Variants in STARD13 observed in about 807,000 individuals in gnomAD.
STARD13 encodes the protein stAR-related lipid transfer protein 13.
A neutral mutation model predicts 106.4 loss-of-function variants in STARD13; 62 were observed. The observed-to-expected ratio is 0.58, with a 90% CI of 0.48 to 0.72. The LOEUF (loss-of-function observed/expected upper bound fraction) is 0.72, where lower values mean the gene tolerates loss of function less well. STARD13 is among the 30% of genes least tolerant of loss of function. The pLI, the probability that STARD13 is intolerant of heterozygous loss-of-function variation, is 0.00. For synonymous variants in STARD13, 565 were observed against 553.0 expected (o/e 1.02, Z -0.31); for missense variants, 1,387 against 1,424.0 (o/e 0.97, Z 0.42).
chr13:33,467,340 T>G, the STARD13 span, among the ~76,000 whole-genome samples: 1 of 152,018 alleles, frequency 6.6e-6, no homozygotes, highest in South Asian at 2.1e-4. Context: ...AGAGTAGGGT[T>G]TGCACTCCTA....
At chr13:33,313,793 C>A (rs1362694831) in intron 1 of STARD13, among the ~76,000 whole-genome samples, 1 of 152,196 alleles carries the variant, frequency 6.6e-6, no homozygotes, top group Admixed American at 6.5e-5. Context: ...TTAAACTCTC[C>A]TTAGCTGACT....
the STARD13 span, chr13:33,611,047 C>T: frequency 1.3e-5 from 2 of 152,240 alleles, no homozygotes; most frequent in African/African-American, 4.8e-5. Flanking sequence ...CAGCAACATC[C>T]TCAGAAATCT....
chr13:33,441,293 C>A, the STARD13 span, among the ~76,000 whole-genome samples: 1 of 152,316 alleles, frequency 6.6e-6, no homozygotes, highest in African/African-American at 2.4e-5. Flanking sequence ...CGATTCTAGT[C>A]TTAATTCTCT....
At chr13:33,569,109 T>C in the STARD13 span, among the ~76,000 whole-genome samples, 1 of 147,916 alleles carries the variant, frequency 6.8e-6, no homozygotes, top group African/African-American at 2.5e-5. Context: ...AATTTAAGTG[T>C]TGAAGTGGGA....
chr13:33,134,296 A>C (rs768241256), intron 4 of STARD13, among the ~76,000 whole-genome samples: 9 of 152,220 alleles, frequency 5.9e-5, no homozygotes, highest in Non-Finnish European at 8.8e-5. Context: ...AAATGGCCAA[A>C]AAAACTCATA....
At chr13:33,345,448 G>A (rs913504953), downstream of STARD13, among the ~76,000 whole-genome samples, 2 of 152,162 alleles carry the variant, frequency 1.3e-5, no homozygotes, top group African/African-American at 2.4e-5. Context: ...TGGTACAATA[G>A]GAAATAGGCA....
the STARD13 span, among the ~76,000 whole-genome samples, chr13:33,394,649 T>C: frequency 1.3e-5 from 2 of 152,190 alleles, no homozygotes; most frequent in Non-Finnish European, 2.9e-5. Context: ...TGATAGCAGA[T>C]TAAAGCATCA....
the STARD13 span, among the ~76,000 whole-genome samples, chr13:33,567,056 A>G: frequency 0.017 from 2,571 of 148,062 alleles, 238 homozygotes; most frequent in African/African-American, 0.06. Flanking sequence ...TACCCAACTC[A>G]TCAGCCTTTC....
chr13:33,529,003 G>A, the STARD13 span, among the ~76,000 whole-genome samples: 4 of 152,076 alleles, frequency 2.6e-5, no homozygotes, highest in African/African-American at 9.7e-5. Flanking sequence ...TTTATTCATA[G>A]GGTTTTATTT....
chr13:33,582,016 T>C, the STARD13 span, among the ~76,000 whole-genome samples: 3 of 152,028 alleles, frequency 2.0e-5, no homozygotes, highest in African/African-American at 4.8e-5. Flanking sequence ...ATCAGGAGAT[T>C]GGGACCATCC....
At chr13:33,404,453 G>A in the STARD13 span, among the ~76,000 whole-genome samples, 1 of 152,204 alleles carries the variant, frequency 6.6e-6, no homozygotes. Context: ...AGAAATGGCA[G>A]AATGCTTTTA....
chr13:33,321,089 T>C (rs1281618459), intron 1 of STARD13, among the ~76,000 whole-genome samples: 1 of 152,202 alleles, frequency 6.6e-6, no homozygotes, highest in East Asian at 1.9e-4. Context: ...AGAAATAACA[T>C]TATTATTGCT....
At chr13:33,305,396 C>T (rs1348382448) in intron 1 of STARD13, among the ~76,000 whole-genome samples, 3 of 152,214 alleles carry the variant, frequency 2.0e-5, no homozygotes, top group Non-Finnish European at 4.4e-5. Flanking sequence ...TCTTTTACAT[C>T]TCCGTGTCCT....
intron 1 of STARD13, among the ~76,000 whole-genome samples, chr13:33,236,990 T>A (rs1479837425): frequency 6.6e-6 from 1 of 152,230 alleles, no homozygotes; most frequent in African/African-American, 2.4e-5. Context: ...TATACCCTTA[T>A]GGAATTACTT....
chr13:33,343,943 C>CT (rs1052589616), downstream of STARD13, among the ~76,000 whole-genome samples: 4 of 151,614 alleles, frequency 2.6e-5, no homozygotes, highest in East Asian at 1.9e-4. Context: ...CACGACTGAT[C>CT]TTTTTTTTTC....
the STARD13 span, among the ~76,000 whole-genome samples, chr13:33,437,649 G>A: frequency 2.0e-5 from 3 of 152,160 alleles, no homozygotes; most frequent in Non-Finnish European, 2.9e-5. Flanking sequence ...AAAAAGGGGG[G>A]ATGACTGTAA....
At chr13:33,385,968 T>A in the STARD13 span, among the ~76,000 whole-genome samples, 1 of 152,214 alleles carries the variant, frequency 6.6e-6, no homozygotes, top group East Asian at 1.9e-4. Flanking sequence ...ATACTAAATT[T>A]GCAATTATTT....
the STARD13 span, among the ~76,000 whole-genome samples, chr13:33,509,343 T>C: frequency 1.3e-5 from 2 of 152,154 alleles, no homozygotes; most frequent in Non-Finnish European, 2.9e-5. Flanking sequence ...CATTGGCCTT[T>C]AGGATGTGTA....
chr13:33,228,737 C>T (rs1888748928), intron 1 of STARD13, among the ~76,000 whole-genome samples: 1 of 152,234 alleles, frequency 6.6e-6, no homozygotes, highest in African/African-American at 2.4e-5. Context: ...AGTTCCACTA[C>T]ATGTCCACTA....
Sources: gnomAD v4.1 joint callset for allele counts (sites outside exome capture counted in the v4.1 genomes callset) on GRCh38, gnomAD v4.1.1 for gene constraint, MANE v1.5 for transcripts, NCBI Gene and HGNC (gene_info 2026-07-23, HGNC 2026-07-21) for gene names.